RPS6KC1: variants seen among roughly 807,000 people sequenced by gnomAD.
The protein encoded by RPS6KC1 is ribosomal protein S6 kinase C1.
Under a neutral mutation model 103.8 loss-of-function variants are expected in RPS6KC1, and 54 were observed. The observed-to-expected ratio is 0.52, with a 90% CI of 0.42 to 0.65. The LOEUF is 0.65. Among genes scored for constraint, RPS6KC1 ranks in the 30% least tolerant of loss-of-function variants. The probability of loss-of-function intolerance (pLI) is 0.00; values close to 1 mark genes in which losing one functional copy is unlikely to be tolerated. For synonymous variants in RPS6KC1, 439 were observed against 438.7 expected (o/e 1.00, Z -0.01); for missense variants, 1,151 against 1,253.8 (o/e 0.92, Z 1.24).
chr1:213,499,462 C>A, the RPS6KC1 span, among the ~76,000 whole-genome samples: 1 of 152,112 alleles, frequency 6.6e-6, no homozygotes, highest in African/African-American at 2.4e-5. Flanking sequence ...GAAACTATTC[C>A]ACCTCAGATC....
the RPS6KC1 span, among the ~76,000 whole-genome samples, chr1:213,547,958 A>G: frequency 6.6e-6 from 1 of 152,216 alleles, no homozygotes; most frequent in Non-Finnish European, 1.5e-5. Flanking sequence ...ACTGGTATAT[A>G]TGCACCAGGA....
the RPS6KC1 span, among the ~76,000 whole-genome samples, chr1:213,539,242 A>G: frequency 1.3e-5 from 2 of 152,226 alleles, no homozygotes; most frequent in Non-Finnish European, 2.9e-5. Context: ...GCGACCAGAG[A>G]AAACCTCCAC....
In RPS6KC1 at chr1:213,051,475, C is replaced by T. The variant is rs368815923; in HGVS notation, c.71C>T (p.Pro24Leu). 1.5e-4 allele frequency: 246 copies of T among 1,613,494 alleles called. 1 individual carries two copies. Among genetic ancestry groups the T allele is most frequent in the Non-Finnish European group, 9.5e-5 (112 of 1,179,742 alleles). The change falls in exon 1 of 15, where the codon CCG becomes CTG. Residue 24 changes from proline (P) to leucine (L), a missense_variant. Pro to Leu is a moderately conservative substitution (Grantham distance 98). This residue lies in a region of RPS6KC1 where 959 missense variants were observed against 1,006.3 expected (regional missense o/e 0.95). Transcript: ENST00000366960. ...FYTVTEPQRH[P>L]RGYTVYKVTA... ...ACTGTCACCGAGCCCCAGCGACACC[C>T]GAGGGGCTACACAGTATATAAGGTC...
intron 8 of RPS6KC1, among the ~76,000 whole-genome samples, chr1:213,214,266 G>A (rs2093598994): frequency 6.6e-6 from 1 of 152,270 alleles, no homozygotes; most frequent in Non-Finnish European, 1.5e-5. Context: ...CGTACACGGA[G>A]CTTCGCTCAT....
chr1:213,817,789 TATTA>T, the RPS6KC1 span: 1 of 149,948 alleles, frequency 6.7e-6, no homozygotes, highest in East Asian at 1.9e-4. Flanking sequence ...GTTTTGCAGA[TATTA>T]CAGTTTTTTT....
the RPS6KC1 span, among the ~76,000 whole-genome samples, chr1:213,402,889 C>T: frequency 2.9e-4 from 41 of 143,748 alleles, no homozygotes; most frequent in African/African-American, 1.1e-3. Context: ...CCGAGGCGGG[C>T]AGATCACAAG....
the RPS6KC1 span, among the ~76,000 whole-genome samples, chr1:213,456,783 A>C: frequency 1.8e-4 from 27 of 152,178 alleles, no homozygotes; most frequent in Admixed American, 3.9e-4. Flanking sequence ...ATTTTTAATA[A>C]CTCCCCTTTG....
the RPS6KC1 span, among the ~76,000 whole-genome samples, chr1:213,631,648 A>C: frequency 6.6e-6 from 1 of 152,138 alleles, no homozygotes; most frequent in Non-Finnish European, 1.5e-5. Flanking sequence ...ATGGCTTACC[A>C]ATTTAATCTT....
chr1:213,528,074 A>C, the RPS6KC1 span, among the ~76,000 whole-genome samples: 2 of 152,126 alleles, frequency 1.3e-5, no homozygotes, highest in Non-Finnish European at 2.9e-5. Context: ...GCAAAAGAAA[A>C]TCCATGTATA....
At chr1:213,332,686 C>T in the RPS6KC1 span, among the ~76,000 whole-genome samples, 1 of 152,156 alleles carries the variant, frequency 6.6e-6, no homozygotes, top group Non-Finnish European at 1.5e-5. Context: ...TGGGTTCCTT[C>T]TAGAGTGGAG....
the RPS6KC1 span, among the ~76,000 whole-genome samples, chr1:213,662,868 C>T: frequency 5.3e-5 from 8 of 152,180 alleles, no homozygotes; most frequent in African/African-American, 1.4e-4. Context: ...TTGATTCCTT[C>T]GTTTGGTCAC....
chr1:213,724,229 A>G, the RPS6KC1 span, among the ~76,000 whole-genome samples: 11 of 152,190 alleles, frequency 7.2e-5, no homozygotes, highest in Non-Finnish European at 1.6e-4. Flanking sequence ...CTGGGATTAT[A>G]GGCATGTGCC....
At chr1:213,707,303 T>C in the RPS6KC1 span, among the ~76,000 whole-genome samples, 1 of 152,238 alleles carries the variant, frequency 6.6e-6, no homozygotes, top group African/African-American at 2.4e-5. Context: ...TGAACAGTGA[T>C]GATGAGCTTT....
At chr1:213,286,969 G>C in the RPS6KC1 span, among the ~76,000 whole-genome samples, 1 of 152,312 alleles carries the variant, frequency 6.6e-6, no homozygotes, top group South Asian at 2.1e-4. Context: ...AATAGTCTGG[G>C]TTCTTTAACA....
the RPS6KC1 span, among the ~76,000 whole-genome samples, chr1:213,472,875 G>T: frequency 6.6e-6 from 1 of 152,200 alleles, no homozygotes; most frequent in Non-Finnish European, 1.5e-5. Context: ...GACCTATTCT[G>T]ATGTGTGACT....
At chr1:213,468,960 T>A in the RPS6KC1 span, among the ~76,000 whole-genome samples, 2 of 152,184 alleles carry the variant, frequency 1.3e-5, no homozygotes, top group African/African-American at 4.8e-5. Flanking sequence ...CCACTCCTTC[T>A]CTTCTAGGTC....
chr1:213,523,508 C>T, the RPS6KC1 span, among the ~76,000 whole-genome samples: 2 of 152,068 alleles, frequency 1.3e-5, no homozygotes, highest in Non-Finnish European at 2.9e-5. Context: ...TGGAGTATGC[C>T]TATAATACAC....
At chr1:213,248,410 C>T (rs2094490762) in intron 12 of RPS6KC1, among the ~76,000 whole-genome samples, 1 of 152,110 alleles carries the variant, frequency 6.6e-6, no homozygotes, top group Non-Finnish European at 1.5e-5. Flanking sequence ...TAGTCCTTTG[C>T]CCTCAGTTCT....
At chr1:213,399,032 G>T in the RPS6KC1 span, among the ~76,000 whole-genome samples, 1 of 152,096 alleles carries the variant, frequency 6.6e-6, no homozygotes, top group Non-Finnish European at 1.5e-5. Context: ...CTAATCCCAA[G>T]ACATAGACAA....
Sources: gnomAD v4.1 joint callset for allele counts (sites outside exome capture counted in the v4.1 genomes callset) on GRCh38, gnomAD v4.1.1 for gene constraint, gnomAD v4.1.1 regional missense constraint, MANE v1.5 for transcripts, NCBI Gene and HGNC (gene_info 2026-07-23, HGNC 2026-07-21) for gene names.